Variants in COX7B2 observed in about 807,000 individuals in gnomAD.
The protein encoded by COX7B2 is cytochrome c oxidase subunit 7B2, also known as cytochrome c oxidase subunit 7B2, mitochondrial.
For missense variants in COX7B2, 109 were observed against 95.9 expected (o/e 1.14, Z -0.57); for synonymous variants, 37 against 32.1 (o/e 1.15, Z -0.51).
At chr4:46,815,574 A>G (rs1166456121) in intron 2 of COX7B2, among the ~76,000 whole-genome samples, 1 of 152,242 alleles carries the variant, frequency 6.6e-6, no homozygotes, top group African/African-American at 2.4e-5. Context: ...AGAAGTTTCA[A>G]CAAATTAAAA....
chr4:46,864,467 T>C (rs1475458045), intron 1 of COX7B2, among the ~76,000 whole-genome samples: 1 of 152,108 alleles, frequency 6.6e-6, no homozygotes, highest in Non-Finnish European at 1.5e-5. Flanking sequence ...CAGGAGTTTT[T>C]AAGAGAAGTT....
At chr4:46,805,228 A>AG (rs1293113967) in intron 2 of COX7B2, among the ~76,000 whole-genome samples, 4 of 152,230 alleles carry the variant, frequency 2.6e-5, no homozygotes, top group Admixed American at 6.5e-5. Flanking sequence ...CAGCCCAGAA[A>AG]GGGGCTCCTA....
chr4:46,905,870 C>T (rs1239740831), intron 1 of COX7B2, among the ~76,000 whole-genome samples: 6 of 137,254 alleles, frequency 4.4e-5, no homozygotes, highest in African/African-American at 1.4e-4. Flanking sequence ...TCGCCCAGGC[C>T]GGACTGCGGA....
chr4:46,809,213 G>A (rs1719161518), intron 2 of COX7B2, among the ~76,000 whole-genome samples: 1 of 151,590 alleles, frequency 6.6e-6, no homozygotes, highest in Non-Finnish European at 1.5e-5. Flanking sequence ...TTTATGATTA[G>A]ACAACTCTTT....
Position 46,820,528 on chromosome 4 carries a change from G to A in COX7B2, c.-50+24432C>T, listed in dbSNP as rs1714198564. On this transcript the variant is annotated intron_variant, in intron 2 of 2. Coordinates refer to ENST00000355591, the MANE Select transcript of COX7B2 (RefSeq NM_130902.3). ...CTATCTAATCTGATATCTTGCTTTTGGTTAAGATATTACAGGAGGCTGGGC... is the reference window on the plus strand; with the variant it reads ...CTATCTAATCTGATATCTTGCTTTTAGTTAAGATATTACAGGAGGCTGGGC... Among the ~76,000 whole-genome samples the A allele has an allele frequency of 2.0e-5, 3 of 152,082 alleles. No individual in the cohort carries two copies. The South Asian group carries it at 6.2e-4, about 32-fold the overall frequency.
At chr4:46,834,687 C>T (rs1334013682) in intron 2 of COX7B2, among the ~76,000 whole-genome samples, 2 of 151,948 alleles carry the variant, frequency 1.3e-5, no homozygotes, top group African/African-American at 2.4e-5. Flanking sequence ...CAATATAATA[C>T]ATTATCAATA....
At chr4:46,754,726 G>A (rs190625706) in intron 2 of COX7B2, among the ~76,000 whole-genome samples, 24,153 of 43,986 alleles carry the variant, frequency 0.55, 6,628 homozygotes, top group East Asian at 0.62. Flanking sequence ...GTGTGTGTGT[G>A]TGTATATATA....
At chr4:46,770,300 A>G (rs974860021) in intron 2 of COX7B2, among the ~76,000 whole-genome samples, 57 of 152,288 alleles carry the variant, frequency 3.7e-4, no homozygotes, top group African/African-American at 1.4e-3. Context: ...GATGTTAAAA[A>G]TCTGTACATT....
chr4:46,750,934 C>G (rs1715333837), intron 2 of COX7B2, among the ~76,000 whole-genome samples: 1 of 152,130 alleles, frequency 6.6e-6, no homozygotes, highest in Non-Finnish European at 1.5e-5. Flanking sequence ...GACCCTATCT[C>G]CAAATACAGA....
intron 1 of COX7B2, among the ~76,000 whole-genome samples, chr4:46,893,920 A>G (rs1352393354): frequency 2.6e-5 from 4 of 152,152 alleles, no homozygotes; most frequent in Admixed American, 2.6e-4. Context: ...CAGAACTGAC[A>G]CAAAAAGAAT....
intron 2 of COX7B2, among the ~76,000 whole-genome samples, chr4:46,823,284 T>C (rs866620789): frequency 1.3e-5 from 2 of 151,444 alleles, no homozygotes; most frequent in Non-Finnish European, 2.9e-5. Flanking sequence ...TTATATATTA[T>C]ATATTATATT....
At chr4:46,806,331 A>G (rs1300795672) in intron 2 of COX7B2, among the ~76,000 whole-genome samples, 1 of 151,930 alleles carries the variant, frequency 6.6e-6, no homozygotes, top group Non-Finnish European at 1.5e-5. Context: ...GACCTTCCAT[A>G]TGATGAAAAA....
intron 1 of COX7B2, among the ~76,000 whole-genome samples, chr4:46,872,773 C>T (rs1347667259): frequency 1.3e-5 from 2 of 152,134 alleles, no homozygotes; most frequent in Non-Finnish European, 2.9e-5. Context: ...TAACTTCCCT[C>T]ATCCACAAAA....
chr4:46,897,429 T>C (rs561805805), intron 1 of COX7B2, among the ~76,000 whole-genome samples: 1 of 152,216 alleles, frequency 6.6e-6, no homozygotes, highest in Non-Finnish European at 1.5e-5. Flanking sequence ...CCCTCTTGAG[T>C]ATTAAGAAAA....
chr4:46,782,647 T>C (rs1239578084), intron 2 of COX7B2, among the ~76,000 whole-genome samples: 1 of 152,154 alleles, frequency 6.6e-6, no homozygotes, highest in Non-Finnish European at 1.5e-5. Flanking sequence ...TGCTCACTCT[T>C]TGGGTCTGCG....
intron 2 of COX7B2, among the ~76,000 whole-genome samples, chr4:46,790,477 T>C (rs1399816518): frequency 6.9e-6 from 1 of 145,942 alleles, no homozygotes; most frequent in Non-Finnish European, 1.5e-5. Context: ...AGGTAATTTA[T>C]TACTTATTAT....
intron 2 of COX7B2, among the ~76,000 whole-genome samples, chr4:46,839,588 G>C (rs1456838247): frequency 6.6e-6 from 1 of 151,980 alleles, no homozygotes; most frequent in Admixed American, 6.6e-5. Flanking sequence ...AATTCCACAC[G>C]AGAGATTCAT....
chr4:46,901,252 AG>A (rs1720054092), intron 1 of COX7B2, among the ~76,000 whole-genome samples: 1 of 152,202 alleles, frequency 6.6e-6, no homozygotes, highest in Admixed American at 6.5e-5. Context: ...CTGCTACTAG[AG>A]CAGGTATTGA....
chr4:46,849,328 A>G (rs1001022636), intron 1 of COX7B2, among the ~76,000 whole-genome samples: 5 of 152,126 alleles, frequency 3.3e-5, no homozygotes, highest in Non-Finnish European at 5.9e-5. Context: ...TATCTCTGAC[A>G]TTGTGAAACA....
Sources: allele counts gnomAD v4.1 joint callset (sites outside exome capture counted in the v4.1 genomes callset), GRCh38; gene constraint gnomAD v4.1.1; transcripts MANE v1.5; gene names NCBI Gene and HGNC (gene_info 2026-07-23, HGNC 2026-07-21).